The following PCDHGA10 variants were observed in gnomAD, a reference collection of about 807,000 sequenced individuals.
The protein encoded by PCDHGA10 is protocadherin gamma subfamily A, 10.
In PCDHGA10, 42 loss-of-function variants were observed where a neutral mutation model predicts 59.5. The ratio of observed to expected loss-of-function variants is 0.71; its 90% CI spans 0.55 to 0.91. The LOEUF (loss-of-function observed/expected upper bound fraction) is 0.91, where lower values mean the gene tolerates loss of function less well. Ranked by LOEUF, PCDHGA10 falls within the 40% of genes least tolerant of loss-of-function variation. PCDHGA10 has a pLI of 0.00. For missense variants in PCDHGA10, 1,111 were observed against 1,198.2 expected (o/e 0.93, Z 1.07); for synonymous variants, 511 against 517.2 (o/e 0.99, Z 0.16).
Position 141,490,970 on chromosome 5 carries a change from A to G in PCDHGA10, c.2437-3837A>G. ...CCAGACTGGGAACACTCAGCCCCCC[A>G]GCGTCTCCCTCGCTCTGCTCCTCCT... On this transcript the variant is annotated intron_variant, in intron 1 of 3. Coordinates refer to ENST00000398610, the MANE Select transcript of PCDHGA10 (RefSeq NM_018913.3). This position sits in a 1 kb window ranked among gnomAD's most constrained non-coding sequence, Gnocchi z 5.4. 1 of 1,613,858 alleles carries G rather than the reference A, an allele frequency of 6.2e-7. No individual in the cohort carries two copies. Among genetic ancestry groups the G allele is most frequent in the South Asian group, 1.1e-5 (1 of 91,062 alleles).
intron 1 of PCDHGA10, chr5:141,426,986 C>T (rs764345099): frequency 1.8e-5 from 8 of 456,618 alleles, no homozygotes; most frequent in South Asian, 7.7e-5. Flanking sequence ...CTGATGCCAA[C>T]GATAATGCCC....
intron 2 of PCDHGA10, among the ~76,000 whole-genome samples, chr5:141,503,800 C>T (rs756250566): frequency 1.3e-5 from 2 of 151,994 alleles, no homozygotes; most frequent in South Asian, 2.1e-4. Flanking sequence ...TACTTAGGGA[C>T]GGGGAATCCC....
chr5:141,490,903 C>G lies in PCDHGA10; in HGVS notation c.2437-3904C>G. 6.2e-7 allele frequency: 1 copy of G among 1,613,764 alleles called. No homozygotes were observed. The highest frequency in any genetic ancestry group is 1.7e-5 in the Admixed American group (1 of 60,022). On this transcript the variant is annotated intron_variant, in intron 1 of 3. Coordinates refer to ENST00000398610, the MANE Select transcript of PCDHGA10 (RefSeq NM_018913.3). This position sits in a 1 kb window ranked among gnomAD's most constrained non-coding sequence, Gnocchi z 5.4. ...CAACACATCTCTGCATGTGTTTGTC[C>G]TAGACGAGAATGATAATGCCCCAGC... is the stretch of plus-strand genomic sequence containing the variant.
chr5:141,463,616 T>C (rs941383375), intron 1 of PCDHGA10, among the ~76,000 whole-genome samples: 28 of 151,762 alleles, frequency 1.8e-4, no homozygotes, highest in Non-Finnish European at 2.1e-4. Flanking sequence ...GCCCGGCTAA[T>C]TTTTTGTATT....
Position 141,413,267 on chromosome 5 carries a change from GA to G in PCDHGA10, c.93del (p.Ala32ProfsTer12). 1 of 1,613,960 alleles carries G rather than the reference GA, an allele frequency of 6.2e-7. No homozygotes were observed. Among genetic ancestry groups the G allele is most frequent in the Non-Finnish European group, 8.5e-7 (1 of 1,179,906 alleles). ...CLFFGIPWEAGARQISYSIPE... is the reference protein window; with the variant it reads ...CLFFGIPWEAXARQISYSIPE... Reference sequence around the variant, plus strand: ...TTCTTCGGGATTCCATGGGAGGCTGGAGCCCGGCAGATCTCCTACTCAATTC... The same window carrying G: ...TTCTTCGGGATTCCATGGGAGGCTGGGCCCGGCAGATCTCCTACTCAATTC... On this transcript the variant is annotated frameshift_variant, in exon 1 of 4. Transcript: ENST00000398610. LOFTEE classifies it high-confidence loss of function.
chr5:141,446,398 G>A (rs1379233102), intron 1 of PCDHGA10, among the ~76,000 whole-genome samples: 2 of 152,128 alleles, frequency 1.3e-5, no homozygotes, highest in African/African-American at 2.4e-5. Context: ...AAGAGAAATC[G>A]AGTTGAGTTC....
At chr5:141,481,943 G>C (rs1454871018) in intron 1 of PCDHGA10, among the ~76,000 whole-genome samples, 1 of 148,544 alleles carries the variant, frequency 6.7e-6, no homozygotes, top group South Asian at 2.1e-4. Context: ...AAATCAGCCA[G>C]ATGTGGTGGC....
intron 1 of PCDHGA10, chr5:141,421,588 G>A: frequency 1.2e-6 from 2 of 1,613,910 alleles, no homozygotes; most frequent in Non-Finnish European, 8.5e-7. Context: ...TTACGGAGTG[G>A]AGGTGGAAAT....
In PCDHGA10 at chr5:141,432,184, C is replaced by G; in HGVS notation, c.2436+16573C>G. 1 of 1,614,164 alleles carries G rather than the reference C, an allele frequency of 6.2e-7. No individual in the cohort carries two copies. The highest frequency in any genetic ancestry group is 2.2e-5 in the East Asian group (1 of 44,872). On this transcript the variant is annotated intron_variant, in intron 1 of 3. Coordinates refer to ENST00000398610, the MANE Select transcript of PCDHGA10 (RefSeq NM_018913.3). This position sits in a 1 kb window ranked among gnomAD's most constrained non-coding sequence, Gnocchi z 6.0. Reference sequence around the variant, plus strand: ...GAGGAGTTTCCCTCGTCTCTGTGACCGCCCACGACCCCGACTGTGAAGAGA... The same window carrying G: ...GAGGAGTTTCCCTCGTCTCTGTGACGGCCCACGACCCCGACTGTGAAGAGA...
chr5:141,451,908 G>C (rs899191624), intron 1 of PCDHGA10, among the ~76,000 whole-genome samples: 1 of 152,046 alleles, frequency 6.6e-6, no homozygotes, highest in Non-Finnish European at 1.5e-5. Flanking sequence ...AAGGGAGGGA[G>C]GGAGGAAGGA....
At chr5:141,450,626 A>G (rs1474729472) in intron 1 of PCDHGA10, among the ~76,000 whole-genome samples, 1 of 151,438 alleles carries the variant, frequency 6.6e-6, no homozygotes, top group East Asian at 2.0e-4. Context: ...AGCTGGGATT[A>G]CAGATGCCTG....
intron 1 of PCDHGA10, among the ~76,000 whole-genome samples, chr5:141,483,599 G>A (rs1419379218): frequency 6.6e-6 from 1 of 152,048 alleles, no homozygotes; most frequent in African/African-American, 2.4e-5. Flanking sequence ...GGTCAGGCTG[G>A]TTTACACCTC....
At chr5:141,434,338 G>A (rs1037038534) in intron 1 of PCDHGA10, among the ~76,000 whole-genome samples, 5 of 152,086 alleles carry the variant, frequency 3.3e-5, no homozygotes, top group East Asian at 1.9e-4. Context: ...TCTTTGTGTC[G>A]GGAACAGGCC....
chr5:141,414,615 G>A lies in PCDHGA10; in HGVS notation c.1440G>A (p.Ala480=). ...ARGASIFSVT[A]LDPDSKENAQ... is the part of the protein sequence containing the mutation. ...GTGCCTCCATCTTCTCAGTGACAGCGCTGGACCCGGACAGCAAAGAGAATG... is the reference window on the plus strand; with the variant it reads ...GTGCCTCCATCTTCTCAGTGACAGCACTGGACCCGGACAGCAAAGAGAATG... Residue 480 remains alanine (A), a synonymous_variant, in exon 1 of 4, where the codon GCG becomes GCA. Transcript: ENST00000398610. The A allele has an allele frequency of 6.2e-7, 1 of 1,613,962 alleles. No individual in the cohort carries two copies. Among genetic ancestry groups the A allele is most frequent in the Non-Finnish European group, 8.5e-7 (1 of 1,179,894 alleles).
intron 1 of PCDHGA10, chr5:141,479,209 A>T (rs1314929824): frequency 6.6e-6 from 1 of 152,432 alleles, no homozygotes; most frequent in African/African-American, 2.4e-5. Context: ...AAAAGTATTT[A>T]AAAAATTAAA....
intron 1 of PCDHGA10, chr5:141,418,292 T>A: frequency 6.2e-7 from 1 of 1,613,988 alleles, no homozygotes. Context: ...AATCAGTGAA[T>A]CCGTCAGCCT....
intron 1 of PCDHGA10, among the ~76,000 whole-genome samples, chr5:141,484,107 A>C (rs13361997): frequency 0.24 from 37,195 of 152,070 alleles, 6,332 homozygotes; most frequent in African/African-American, 0.48. Context: ...TAATTAACAA[A>C]AGATCAAGAA....
intron 1 of PCDHGA10, chr5:141,426,739 GC>G (rs1345744337): frequency 8.8e-6 from 4 of 453,408 alleles, no homozygotes; most frequent in Non-Finnish European, 1.8e-5. Flanking sequence ...ATTCGGTTTG[GC>G]CTGGAATCTG....
Position 141,477,917 on chromosome 5 carries a change from G to C in PCDHGA10, c.2437-16890G>C. 6.2e-7 allele frequency: 1 copy of C among 1,614,186 alleles called. No individual in the cohort carries two copies. The highest frequency in any genetic ancestry group is 2.2e-5 in the East Asian group (1 of 44,868). On this transcript the variant is annotated intron_variant, in intron 1 of 3. Transcript: ENST00000398610. The surrounding 1 kb of genome is among the most constrained non-coding windows in gnomAD (Gnocchi z 4.9). ...GGTGGTAGGCTGGGACGCGGATGCA[G>C]GGCACAATGCCTGGCTCTCCTACAG...
Sources: gnomAD v4.1 joint callset for allele counts (sites outside exome capture counted in the v4.1 genomes callset) on GRCh38, gnomAD v4.1.1 for gene constraint, Gnocchi (gnomAD v3.1) non-coding constraint, MANE v1.5 for transcripts, NCBI Gene and HGNC (gene_info 2026-07-23, HGNC 2026-07-21) for gene names.